PDE4B: variants seen among roughly 807,000 people sequenced by gnomAD.
The protein encoded by PDE4B is phosphodiesterase 4B.
In PDE4B, 20 loss-of-function variants were observed where a neutral mutation model predicts 82.2. The observed-to-expected ratio is 0.24, with a 90% CI of 0.17 to 0.35. PDE4B has a LOEUF of 0.35. PDE4B is among the 10% of genes least tolerant of loss of function. The probability of loss-of-function intolerance (pLI) is 1.00; values close to 1 mark genes in which losing one functional copy is unlikely to be tolerated. For missense variants in PDE4B, 655 were observed against 907.2 expected, an observed-to-expected ratio of 0.72 and a Z score of 3.57; for synonymous variants, 320 against 318.9, an observed-to-expected ratio of 1.00 and a Z score of -0.04.
intron 7 of PDE4B, among the ~76,000 whole-genome samples, chr1:66,317,845 C>T (rs1343547781): frequency 2.0e-5 from 3 of 152,156 alleles, no homozygotes; most frequent in East Asian, 1.9e-4. Flanking sequence ...TGCAGTGAGC[C>T]GTGATCACGC....
chr1:66,058,493 A>T (rs982824603), intron 3 of PDE4B, among the ~76,000 whole-genome samples: 2 of 152,232 alleles, frequency 1.3e-5, no homozygotes, highest in African/African-American at 4.8e-5. Flanking sequence ...GAGGTTCTCC[A>T]TGAGGGCCCT....
chr1:66,124,517 CA>C (rs756278078), intron 3 of PDE4B, among the ~76,000 whole-genome samples: 136 of 152,296 alleles, frequency 8.9e-4, no homozygotes, highest in Admixed American at 2.7e-3. Context: ...ATCATCTAAT[CA>C]GTTGATTTGA....
At chr1:66,278,489 C>A (rs979697724) in intron 7 of PDE4B, among the ~76,000 whole-genome samples, 4 of 152,190 alleles carry the variant, frequency 2.6e-5, no homozygotes, top group African/African-American at 9.7e-5. Context: ...AAAGCAAATG[C>A]AAGGCTAAAC....
intron 1 of PDE4B, among the ~76,000 whole-genome samples, chr1:65,808,751 G>A: frequency 6.6e-6 from 1 of 152,214 alleles, no homozygotes; most frequent in East Asian, 1.9e-4. Context: ...GGAAATGAAT[G>A]TGGGTAGTAC....
intron 3 of PDE4B, among the ~76,000 whole-genome samples, chr1:65,925,937 G>A (rs912001838): frequency 3.9e-5 from 6 of 152,188 alleles, no homozygotes; most frequent in African/African-American, 1.4e-4. Flanking sequence ...TTATCACTGA[G>A]GCTACCCTTC....
chr1:66,153,661 G>A (rs1646446986), intron 3 of PDE4B, among the ~76,000 whole-genome samples: 1 of 152,188 alleles, frequency 6.6e-6, no homozygotes, highest in Admixed American at 6.5e-5. Flanking sequence ...ATAGCCCAGT[G>A]CGGAAGGCAG....
intron 3 of PDE4B, among the ~76,000 whole-genome samples, chr1:66,186,272 G>A (rs1270308950): frequency 1.3e-5 from 2 of 152,160 alleles, no homozygotes; most frequent in Admixed American, 6.5e-5. Flanking sequence ...GTAGCGTGAT[G>A]CCTCCAGCTT....
At chr1:65,886,138 A>G (rs1646773363) in intron 1 of PDE4B, among the ~76,000 whole-genome samples, 1 of 151,800 alleles carries the variant, frequency 6.6e-6, no homozygotes, top group Admixed American at 6.6e-5. Context: ...ATTAAATAAA[A>G]TCTATTGTTA....
intron 3 of PDE4B, among the ~76,000 whole-genome samples, chr1:66,105,942 G>A (rs1459318780): frequency 6.6e-6 from 1 of 151,922 alleles, no homozygotes; most frequent in Non-Finnish European, 1.5e-5. Context: ...TCCTTCTCCT[G>A]CCTAATTGCC....
intron 3 of PDE4B, among the ~76,000 whole-genome samples, chr1:66,080,725 A>G (rs951544060): frequency 6.6e-6 from 1 of 152,038 alleles, no homozygotes; most frequent in Non-Finnish European, 1.5e-5. Flanking sequence ...TTTATTTTGA[A>G]ATATTAAATG....
chr1:66,244,560 C>T, intron 3 of PDE4B, among the ~76,000 whole-genome samples: 1 of 152,198 alleles, frequency 6.6e-6, no homozygotes, highest in Non-Finnish European at 1.5e-5. Context: ...TCCTCACTCC[C>T]TGGATCTGTG....
intron 1 of PDE4B, among the ~76,000 whole-genome samples, chr1:65,899,920 A>T (rs1054748106): frequency 6.6e-6 from 1 of 152,034 alleles, no homozygotes; most frequent in South Asian, 2.1e-4. Flanking sequence ...GACTACAAAT[A>T]GGGTGCAGTG....
At chr1:65,914,454 ACTTCTT>A (rs57338201) in intron 2 of PDE4B, among the ~76,000 whole-genome samples, 15 of 145,384 alleles carry the variant, frequency 1.0e-4, no homozygotes, top group Non-Finnish European at 1.8e-4. Flanking sequence ...GGCAGCATTT[ACTTCTT>A]CTTCTTCTTC....
intron 3 of PDE4B, among the ~76,000 whole-genome samples, chr1:65,949,255 A>C (rs189366857): frequency 4.7e-4 from 72 of 152,208 alleles, no homozygotes; most frequent in African/African-American, 1.6e-3. Flanking sequence ...TCCCTAAGGA[A>C]TATGGTCGGT....
chr1:65,988,990 A>C (rs1482659393), intron 3 of PDE4B, among the ~76,000 whole-genome samples: 3 of 152,164 alleles, frequency 2.0e-5, no homozygotes, highest in African/African-American at 7.2e-5. Context: ...TGTCACTATA[A>C]ATTTATAATA....
intron 3 of PDE4B, among the ~76,000 whole-genome samples, chr1:66,184,264 G>T (rs926070820): frequency 6.6e-6 from 1 of 152,142 alleles, no homozygotes; most frequent in African/African-American, 2.4e-5. Context: ...CTGGCTCATG[G>T]TGCCAATTAG....
In PDE4B at chr1:66,120,319, G is replaced by T. The variant is rs373002967; in HGVS notation, c.282-127141G>T. Among the ~76,000 whole-genome samples the T allele has an allele frequency of 5.6e-4, 84 of 150,372 alleles. 1 individual carries two copies. The East Asian group carries it at 9.6e-3, about 17-fold the overall frequency. On this transcript the variant is annotated intron_variant, in intron 3 of 16. Transcript: ENST00000341517. ...GACCTAGACCCTTGGTTTGGATGGG[G>T]TATGCCTAGGAGTAGCTCACCCTTC...
intron 3 of PDE4B, among the ~76,000 whole-genome samples, chr1:66,063,496 G>A (rs10889595): frequency 0.84 from 127,564 of 151,954 alleles, 53,724 homozygotes; most frequent in Non-Finnish European, 0.87. Flanking sequence ...ACTTTGTTTT[G>A]TTTTTTAAAT....
chr1:66,286,453 G>A (rs1180723832), intron 7 of PDE4B, among the ~76,000 whole-genome samples: 1 of 152,100 alleles, frequency 6.6e-6, no homozygotes, highest in African/African-American at 2.4e-5. Context: ...TACTTTCTAT[G>A]ACTGATATTT....
Sources: gnomAD v4.1 joint callset for allele counts (sites outside exome capture counted in the v4.1 genomes callset) on GRCh38, gnomAD v4.1.1 for gene constraint, MANE v1.5 for transcripts, NCBI Gene and HGNC (gene_info 2026-07-23, HGNC 2026-07-21) for gene names.